ADD2: variants seen among roughly 807,000 people sequenced by gnomAD.
The protein encoded by ADD2 is beta-adducin.
Under a neutral mutation model 83.0 loss-of-function variants are expected in ADD2, and 23 were observed. That is an observed-to-expected ratio of 0.28 (90% confidence interval 0.20 to 0.39). The LOEUF (loss-of-function observed/expected upper bound fraction) is 0.39. ADD2 is among the 10% of genes least tolerant of loss of function. The pLI is 1.00. For synonymous variants in ADD2, 375 were observed against 375.4 expected (o/e 1.00, Z 0.01); for missense variants, 758 against 944.9 (o/e 0.80, Z 2.59).
At chr2:70,701,376 T>TA (rs1299570813) in intron 4 of ADD2, among the ~76,000 whole-genome samples, 2 of 151,950 alleles carry the variant, frequency 1.3e-5, no homozygotes, top group African/African-American at 4.8e-5. Flanking sequence ...TGAACTAGAA[T>TA]AAAAAGATAT....
intron 10 of ADD2, among the ~76,000 whole-genome samples, chr2:70,683,092 G>A (rs553545963): frequency 1.8e-4 from 26 of 147,012 alleles, no homozygotes; most frequent in Admixed American, 1.1e-3. Flanking sequence ...GCACAATGTC[G>A]GCTCACTGCA....
intron 15 of ADD2, among the ~76,000 whole-genome samples, chr2:70,670,611 A>T (rs1669856592): frequency 6.6e-6 from 1 of 152,176 alleles, no homozygotes; most frequent in Non-Finnish European, 1.5e-5. Context: ...ACAGATGAGG[A>T]GTGACACTGA....
At chr2:70,720,925 A>G (rs945948444) in intron 1 of ADD2, among the ~76,000 whole-genome samples, 7 of 152,180 alleles carry the variant, frequency 4.6e-5, no homozygotes, top group Non-Finnish European at 7.3e-5. Context: ...CTGGAGGCAG[A>G]GGATTCAGTG....
chr2:70,672,039 C>T (rs1297726682), intron 15 of ADD2, among the ~76,000 whole-genome samples: 5 of 152,256 alleles, frequency 3.3e-5, no homozygotes, highest in South Asian at 4.2e-4. Flanking sequence ...TAACCATAAC[C>T]GTAATTGCAT....
chr2:70,749,879 G>A (rs1181658411), intron 1 of ADD2, among the ~76,000 whole-genome samples: 1 of 152,206 alleles, frequency 6.6e-6, no homozygotes, highest in Non-Finnish European at 1.5e-5. Context: ...ACTTTCTGGG[G>A]AATGGAAATA....
intron 8 of ADD2, 57 bp from the exon 9 acceptor site, chr2:70,688,179 G>A: frequency 1.4e-6 from 2 of 1,450,550 alleles, no homozygotes; most frequent in South Asian, 1.2e-5. Context: ...TTAGTTAAGA[G>A]GGAGAGGTTT....
At chr2:70,710,147 C>T (rs1553375231) in intron 2 of ADD2, among the ~76,000 whole-genome samples, 4 of 152,228 alleles carry the variant, frequency 2.6e-5, no homozygotes, top group African/African-American at 9.6e-5. Flanking sequence ...CTCCCCTTCC[C>T]CAGTGAGTAC....
At chr2:70,684,470 A>G (rs1553370199) in intron 9 of ADD2, among the ~76,000 whole-genome samples, 1 of 152,168 alleles carries the variant, frequency 6.6e-6, no homozygotes, top group Non-Finnish European at 1.5e-5. Flanking sequence ...GCTGGTCTCG[A>G]ACCCCTGGGC....
Position 70,663,474 on chromosome 2 carries a change from G to T in ADD2, c.2132C>A (p.Thr711Asn). 6.2e-7 allele frequency: 1 copy of T among 1,614,060 alleles called. No homozygotes were observed. The highest frequency in any genetic ancestry group is 8.5e-7 in the Non-Finnish European group (1 of 1,179,998). ...TTTGCTCTTTTTCAGGAAGGAGGGG[G>T]TTCGGAATTTCTTTTTCTTCTTTGA... ...SPSKKKKKFR[T>N]PSFLKKSKKK... Residue 711 changes from threonine (T) to asparagine (N), a missense_variant, in exon 16 of 16, where the codon ACC becomes AAC. Around this residue, in one of 5 missense-constraint regions of ADD2, gnomAD observed 165 missense variants for 176.2 expected, o/e 0.94. Coordinates refer to ENST00000264436, the MANE Select transcript of ADD2 (RefSeq NM_001617.4).
chr2:70,719,379 C>T (rs3755359), intron 1 of ADD2, among the ~76,000 whole-genome samples: 47,632 of 151,848 alleles, frequency 0.31, 8,156 homozygotes, highest in African/African-American at 0.47. Flanking sequence ...TCTAGAGAGA[C>T]GATTACAATA....
At chr2:70,695,930 C>T (rs76857768) in intron 5 of ADD2, 129 bp from the exon 6 acceptor site, 16 of 763,642 alleles carry the variant, frequency 2.1e-5, no homozygotes, top group African/African-American at 3.5e-5. Context: ...CCTTATCTCT[C>T]CCCCCCAGCC....
Position 70,677,830 on chromosome 2 carries a change from A to T in ADD2, c.1431T>A (p.Ile477=), listed in dbSNP as rs782183958. The T allele has an allele frequency of 6.2e-7, 1 of 1,614,222 alleles. No homozygotes were observed. Among genetic ancestry groups the T allele is most frequent in the South Asian group, 1.1e-5 (1 of 91,080 alleles). The change falls in exon 12 of 16, where the codon ATT becomes ATA. Residue 477 remains isoleucine, a synonymous_variant. Transcript: ENST00000264436. ...EVEKSSSGMP[I]RIENPNQFVP... is the part of the protein sequence containing the mutation. ...CAAATTGGTTTGGGTTTTCGATGCG[A>T]ATCGGCATGCCACTGCTGGATTTCT...
At chr2:70,728,817 C>T (rs1280310571) in intron 1 of ADD2, among the ~76,000 whole-genome samples, 1 of 152,216 alleles carries the variant, frequency 6.6e-6, no homozygotes, top group Non-Finnish European at 1.5e-5. Flanking sequence ...ACACAGACAC[C>T]TTCCTTGAGG....
At chr2:70,723,754 G>A (rs1574289988) in intron 1 of ADD2, among the ~76,000 whole-genome samples, 1 of 152,092 alleles carries the variant, frequency 6.6e-6, no homozygotes, top group African/African-American at 2.4e-5. Flanking sequence ...AAAATGCTGT[G>A]CCCAGCCGTC....
intron 1 of ADD2, among the ~76,000 whole-genome samples, chr2:70,746,762 A>T (rs986561199): frequency 1.9e-4 from 29 of 152,176 alleles, no homozygotes; most frequent in African/African-American, 5.5e-4. Flanking sequence ...CTCAGAATTC[A>T]GGTCTCATCC....
At chr2:70,685,511 A>C (rs1234993771) in intron 9 of ADD2, among the ~76,000 whole-genome samples, 2 of 152,120 alleles carry the variant, frequency 1.3e-5, no homozygotes, top group South Asian at 2.1e-4. Context: ...AAGGGCACAG[A>C]CCTGGGCACC....
At chr2:70,734,629 G>A (rs1368932292) in intron 1 of ADD2, among the ~76,000 whole-genome samples, 1 of 152,226 alleles carries the variant, frequency 6.6e-6, no homozygotes, top group Admixed American at 6.5e-5. Context: ...CCACTGGCAG[G>A]AGAGGAGAAA....
chr2:70,758,318 G>A (rs1386097434), intron 1 of ADD2, among the ~76,000 whole-genome samples: 2 of 151,922 alleles, frequency 1.3e-5, no homozygotes, highest in African/African-American at 4.8e-5. Context: ...TTTTGCCTTT[G>A]TATCTTAATT....
chr2:70,717,364 T>C (rs1341971648), intron 1 of ADD2, among the ~76,000 whole-genome samples: 1 of 152,220 alleles, frequency 6.6e-6, no homozygotes, highest in Admixed American at 6.5e-5. Context: ...GAGTAATAGA[T>C]GCCCGAGTTG....
Sources: gnomAD v4.1 joint callset for allele counts (sites outside exome capture counted in the v4.1 genomes callset) on GRCh38, gnomAD v4.1.1 for gene constraint, gnomAD v4.1.1 regional missense constraint, MANE v1.5 for transcripts, NCBI Gene and HGNC (gene_info 2026-07-23, HGNC 2026-07-21) for gene names.